The following DGKI variants were observed in gnomAD, a reference collection of about 807,000 sequenced individuals.
DGKI encodes the protein DAG kinase iota.
DGKI carries 55 observed loss-of-function variants against 147.5 expected under a neutral mutation model. The ratio of observed to expected loss-of-function variants is 0.37; its 90% CI spans 0.30 to 0.47. DGKI has a LOEUF of 0.47. Ranked by LOEUF, DGKI falls within the 20% of genes least tolerant of loss-of-function variation. The pLI, the probability that DGKI is intolerant of heterozygous loss-of-function variation, is 1.00. For synonymous variants in DGKI, 469 were observed against 477.1 expected (o/e 0.98, Z 0.22); for missense variants, 1,007 against 1,323.8 (o/e 0.76, Z 3.71).
At chr7:137,511,905 A>G (rs553583020) in intron 21 of DGKI, among the ~76,000 whole-genome samples, 1 of 152,304 alleles carries the variant, frequency 6.6e-6, no homozygotes, top group Admixed American at 6.5e-5. Context: ...CCTTGCCTCA[A>G]TTTAGAAAAC....
At chr7:137,777,822 C>T (rs1045883989) in intron 1 of DGKI, among the ~76,000 whole-genome samples, 2 of 152,114 alleles carry the variant, frequency 1.3e-5, no homozygotes, top group African/African-American at 4.8e-5. Flanking sequence ...CCTTGTTAAT[C>T]GCATATTGGT....
chr7:137,525,561 T>C (rs1175791977), intron 20 of DGKI, among the ~76,000 whole-genome samples: 1 of 152,162 alleles, frequency 6.6e-6, no homozygotes, highest in Non-Finnish European at 1.5e-5. Context: ...TGAAGTAAAG[T>C]TCTTCCAGTT....
chr7:137,401,305 G>C (rs1020118489), intron 30 of DGKI, among the ~76,000 whole-genome samples: 29 of 152,074 alleles, frequency 1.9e-4, no homozygotes, highest in African/African-American at 5.5e-4. Flanking sequence ...AGCCAGGTGG[G>C]AGGACTGTTT....
chr7:137,510,043 A>C (rs544474318), intron 21 of DGKI, among the ~76,000 whole-genome samples: 1 of 152,328 alleles, frequency 6.6e-6, no homozygotes, highest in African/African-American at 2.4e-5. Flanking sequence ...GCTGTTCGTA[A>C]TGGCCTTTTT....
At chr7:137,658,485 A>G (rs114822333) in intron 3 of DGKI, among the ~76,000 whole-genome samples, 73 of 152,322 alleles carry the variant, frequency 4.8e-4, no homozygotes, top group African/African-American at 1.7e-3. Context: ...TACATTGTGG[A>G]TAAGCAATGC....
intron 1 of DGKI, among the ~76,000 whole-genome samples, chr7:137,775,206 C>G (rs976609062): frequency 2.0e-5 from 3 of 152,034 alleles, no homozygotes; most frequent in Non-Finnish European, 4.4e-5. Flanking sequence ...GAAATCCAGT[C>G]CAAAGATTAA....
intron 28 of DGKI, among the ~76,000 whole-genome samples, chr7:137,439,092 T>G (rs1467172364): frequency 6.6e-6 from 1 of 152,212 alleles, no homozygotes; most frequent in African/African-American, 2.4e-5. Context: ...CCTACAAATG[T>G]TTTACTTCTT....
At chr7:137,666,989 A>G (rs541395005) in intron 3 of DGKI, among the ~76,000 whole-genome samples, 18 of 151,862 alleles carry the variant, frequency 1.2e-4, no homozygotes, top group African/African-American at 4.4e-4. Flanking sequence ...TTGTTTTTCT[A>G]TGCTTCTCAG....
At chr7:137,763,180 G>A (rs925985154) in intron 1 of DGKI, among the ~76,000 whole-genome samples, 3 of 152,172 alleles carry the variant, frequency 2.0e-5, no homozygotes, top group African/African-American at 4.8e-5. Context: ...TATTTTTATA[G>A]GCAACAGAAT....
At chr7:137,403,423 T>C (rs1227010604) in intron 30 of DGKI, among the ~76,000 whole-genome samples, 3 of 152,156 alleles carry the variant, frequency 2.0e-5, no homozygotes, top group African/African-American at 7.2e-5. Flanking sequence ...AGAAATCAGT[T>C]GCTGCTTGTT....
At chr7:137,748,047 A>T (rs1326809471) in intron 1 of DGKI, among the ~76,000 whole-genome samples, 1 of 152,184 alleles carries the variant, frequency 6.6e-6, no homozygotes, top group Non-Finnish European at 1.5e-5. Context: ...ATGAGAGGGA[A>T]AAGATTCAAA....
At chr7:137,535,468 T>G (rs1001733853) in intron 20 of DGKI, among the ~76,000 whole-genome samples, 1 of 152,042 alleles carries the variant, frequency 6.6e-6, no homozygotes, top group Non-Finnish European at 1.5e-5. Flanking sequence ...TCATAAATGT[T>G]TCCCCCTCCT....
intron 1 of DGKI, among the ~76,000 whole-genome samples, chr7:137,778,258 T>C (rs1796417252): frequency 1.3e-5 from 2 of 152,110 alleles, no homozygotes; most frequent in Non-Finnish European, 2.9e-5. Context: ...AGGATCATGA[T>C]ATAAGCCCAA....
chr7:137,526,602 C>T (rs1472120334), intron 20 of DGKI, among the ~76,000 whole-genome samples: 1 of 151,996 alleles, frequency 6.6e-6, no homozygotes, highest in African/African-American at 2.4e-5. Flanking sequence ...TTCCCTTATC[C>T]ATGTTATACA....
chr7:137,564,938 C>G (rs1563087894), intron 19 of DGKI, among the ~76,000 whole-genome samples: 1 of 152,262 alleles, frequency 6.6e-6, no homozygotes, highest in East Asian at 1.9e-4. Context: ...CCCAGGAACT[C>G]TGTCTACTAA....
At chr7:137,523,662 T>C (rs1034457220) in intron 20 of DGKI, among the ~76,000 whole-genome samples, 109 of 152,220 alleles carry the variant, frequency 7.2e-4, no homozygotes, top group Middle Eastern at 6.8e-3. Context: ...TCACTCAAAT[T>C]GTGTTTGTTG....
At position 137,665,977 on chromosome 7, in the gene DGKI, C is replaced by T. The variant is rs118091137; in HGVS notation, c.607-9437G>A. Among the ~76,000 whole-genome samples, 16 of 152,184 alleles carry T rather than the reference C, an allele frequency of 1.1e-4. No homozygotes were observed. The South Asian group carries it at 1.2e-3, about 12-fold the overall frequency. On this transcript the variant is annotated intron_variant, in intron 3 of 32. Transcript: ENST00000614521. ...GGTAAGAACCAAATTGCTAGGATTG[C>T]GTTAATTCAAAGCTAACGTTCATGA... is the stretch of plus-strand genomic sequence containing the variant.
chr7:137,582,028 A>G, intron 14 of DGKI, 100 bp from the exon 15 acceptor site: 1 of 847,412 alleles, frequency 1.2e-6, no homozygotes, highest in South Asian at 1.7e-5. Flanking sequence ...AGAAGTCCCT[A>G]GGAGACAGAT....
At chr7:137,487,824 A>T in intron 21 of DGKI, 135 bp from the exon 22 acceptor site, 3 of 745,454 alleles carry the variant, frequency 4.0e-6, no homozygotes, top group Non-Finnish European at 6.6e-6. Flanking sequence ...AAAAAGAAAG[A>T]AGTACTTTCT....
Sources: allele counts gnomAD v4.1 joint callset (sites outside exome capture counted in the v4.1 genomes callset), GRCh38; gene constraint gnomAD v4.1.1; transcripts MANE v1.5; gene names NCBI Gene and HGNC (gene_info 2026-07-23, HGNC 2026-07-21).